Variants in PEF1 observed in about 807,000 individuals in gnomAD.
PEF1 encodes penta-EF-hand domain containing 1.
In PEF1, 17 loss-of-function variants were observed where a neutral mutation model predicts 32.0. The ratio of observed to expected loss-of-function variants is 0.53; its 90% confidence interval spans 0.36 to 0.80. PEF1 has a LOEUF of 0.80. PEF1 is among the 30% of genes least tolerant of loss of function. The probability of loss-of-function intolerance (pLI) is 0.00; values close to 1 mark genes in which losing one functional copy is unlikely to be tolerated. For synonymous variants in PEF1, 130 were observed against 139.8 expected (o/e 0.93, Z 0.50); for missense variants, 362 against 369.1 (o/e 0.98, Z 0.16).
rs1425172951 is a variant in PEF1, at chr1:31,633,153, A to C, written c.481+6T>G. 4 of 1,612,172 alleles carry C rather than the reference A, an allele frequency of 2.5e-6. No homozygotes were observed. The highest frequency in any genetic ancestry group is 3.4e-6 in the Non-Finnish European group (4 of 1,178,876). ...GCTCAGGCCCAAGGGCAAGGCGGAG[A>C]CTCACTTATCATCATGAGGCAGGTC... On this transcript the variant is annotated splice_donor_region_variant and intron_variant, in intron 3 of 4. Coordinates refer to ENST00000373703, the MANE Select transcript of PEF1 (RefSeq NM_012392.4).
chr1:31,630,389 T>C lies in PEF1; in HGVS notation c.*224A>G. 1 of 565,716 alleles carries C rather than the reference T, an allele frequency of 1.8e-6. No homozygotes were observed. The highest frequency in any genetic ancestry group is 1.9e-5 in the African/African-American group (1 of 53,268). 35.0% of individuals were successfully genotyped at this position (565,716 alleles called of 1,614,324 possible). ...TGGCCATCAGGACATTCAACTTCTA[T>C]CCTCTCCTCCATCAGGCCCCTATCT... On this transcript the variant is annotated 3_prime_UTR_variant, in exon 5 of 5. Coordinates refer to ENST00000373703, the MANE Select transcript of PEF1 (RefSeq NM_012392.4).
rs766616548 is a variant in PEF1 at position 31,635,445 on chromosome 1, C to T, written c.102G>A (p.Gly34=). ...CAGGGGGTAGCCCACTACCATACTGCCCTCCACTATTGGGGGGTCCAGGGT... is the reference window on the plus strand; with the variant it reads ...CAGGGGGTAGCCCACTACCATACTGTCCTCCACTATTGGGGGGTCCAGGGT... The part of the protein sequence containing the change: ...SYYPGPPNSG[G]QYGSGLPPGG... Residue 34 remains glycine, a synonymous_variant, in exon 2 of 5, where the codon GGG becomes GGA. Transcript: ENST00000373703. The T allele has an allele frequency of 3.1e-6, 5 of 1,605,074 alleles. No individual in the cohort carries two copies. Among genetic ancestry groups the T allele is most frequent in the Admixed American group, 1.7e-5 (1 of 59,172 alleles).
intron 1 of PEF1, among the ~76,000 whole-genome samples, chr1:31,637,695 T>C (rs1173837982): frequency 8.3e-6 from 1 of 120,094 alleles, no homozygotes; most frequent in African/African-American, 3.1e-5. Flanking sequence ...AATCCTTTGA[T>C]AAAATAAATA....
At chr1:31,642,827 C>CCTTTTCA (rs1336525652) in intron 1 of PEF1, among the ~76,000 whole-genome samples, 1 of 152,156 alleles carries the variant, frequency 6.6e-6, no homozygotes, top group Admixed American at 6.5e-5. Flanking sequence ...TCATTTTAGC[C>CCTTTTCA]CTTTTCACAG....
Position 31,630,179 on chromosome 1 carries a change from G to C in PEF1, c.*434C>G, listed in dbSNP as rs1412047049. The C allele has an allele frequency of 4.1e-6, 1 of 241,852 alleles. No individual in the cohort carries two copies. Among genetic ancestry groups the C allele is most frequent in the Non-Finnish European group, 8.3e-6 (1 of 120,000 alleles). The allele number at this position is 241,852 out of a possible 1,614,324, so 15.0% of individuals were successfully genotyped here. On this transcript the variant is annotated 3_prime_UTR_variant, in exon 5 of 5. Transcript: ENST00000373703. ...CATAGACAGATCTCTCTCATGCTTG[G>C]TCAGATTCCACTTTGGAGAAAATGG...
At chr1:31,642,692 T>C (rs1001410802) in intron 1 of PEF1, among the ~76,000 whole-genome samples, 2 of 152,164 alleles carry the variant, frequency 1.3e-5, no homozygotes, top group African/African-American at 4.8e-5. Context: ...TCCTTTTCAG[T>C]ATTTCACTCC....
chr1:31,630,821 T>G lies in PEF1; in HGVS notation c.647A>C (p.Asn216Thr). 1 of 1,610,682 alleles carries G rather than the reference T, an allele frequency of 6.2e-7. No individual in the cohort carries two copies. The highest frequency in any genetic ancestry group is 8.5e-7 in the Non-Finnish European group (1 of 1,179,832). The change falls in exon 5 of 5, where the codon AAC becomes ACC. Residue 216 changes from asparagine (N) to threonine (T), a missense_variant. Physicochemically the swap from Asn to Thr is moderately conservative, Grantham distance 65 (BLOSUM62 0). Transcript: ENST00000373703. ...LQQALSQMGY[N>T]LSPQFTQLLV... ...AAGCTGGGTGAACTGGGGGCTCAGG[T>G]TGTAGCCCATTTGGGACAGAGCTGG...
At chr1:31,640,116 A>C (rs950660525) in intron 1 of PEF1, among the ~76,000 whole-genome samples, 4 of 152,146 alleles carry the variant, frequency 2.6e-5, no homozygotes, top group Admixed American at 6.5e-5. Flanking sequence ...AACACAGAAA[A>C]ACTATCTCTA....
intron 4 of PEF1, among the ~76,000 whole-genome samples, chr1:31,631,923 T>A (rs564370483): frequency 9.7e-6 from 1 of 103,276 alleles, no homozygotes; most frequent in African/African-American, 2.9e-5. Context: ...CCCTCTTGGG[T>A]CCTCCCCCAA....
chr1:31,637,263 C>T (rs1640276071), intron 1 of PEF1, among the ~76,000 whole-genome samples: 1 of 152,154 alleles, frequency 6.6e-6, no homozygotes, highest in Non-Finnish European at 1.5e-5. Flanking sequence ...TCACACAGAT[C>T]TCAATTTAAA....
chr1:31,631,020 T>A (rs1640085820), intron 4 of PEF1, among the ~76,000 whole-genome samples, 178 bp from the exon 5 acceptor site: 1 of 152,228 alleles, frequency 6.6e-6, no homozygotes. Flanking sequence ...ACAGGGACCG[T>A]GTCTGGATGC....
At position 31,630,939 on chromosome 1, in the gene PEF1, G is replaced by A. The variant is rs1640083837; in HGVS notation, c.626-97C>T. The A allele has an allele frequency of 3.9e-6, 4 of 1,013,556 alleles. No homozygotes were observed. The Admixed American group carries it at 6.0e-5, about 15-fold the overall frequency. 62.8% of individuals were successfully genotyped at this position (1,013,556 alleles called of 1,614,324 possible). On this transcript the variant is annotated intron_variant, in intron 4 of 4. Transcript: ENST00000373703. The stretch of plus-strand genomic sequence containing the variant: ...GGATCACAACAGTTCAAGGAACTTC[G>A]AGAGGATGGGCACAGAAGCACAAAG...
chr1:31,633,690 T>G (rs1373035730), intron 2 of PEF1, among the ~76,000 whole-genome samples: 1 of 152,166 alleles, frequency 6.6e-6, no homozygotes, highest in African/African-American at 2.4e-5. Flanking sequence ...GCACAGTGGC[T>G]CACGACTGTA....
chr1:31,635,397 G>T lies in PEF1; in HGVS notation c.150C>A (p.Ala50=). ...LPPGGGYGGP[A]PGGPYGPPAG... ...CTGGTGGTCCATAAGGCCCTCCAGG[G>T]GCAGGACCCCCATAACCACCACCAG... is the stretch of plus-strand genomic sequence containing the variant. The change falls in exon 2 of 5, where the codon GCC becomes GCA. Residue 50 remains alanine (A), a synonymous_variant. Coordinates refer to ENST00000373703, the MANE Select transcript of PEF1 (RefSeq NM_012392.4). 1 of 1,613,144 alleles carries T rather than the reference G, an allele frequency of 6.2e-7. No individual in the cohort carries two copies. Among genetic ancestry groups the T allele is most frequent in the Non-Finnish European group, 8.5e-7 (1 of 1,179,670 alleles).
At chr1:31,638,578 T>C (rs974154435) in intron 1 of PEF1, among the ~76,000 whole-genome samples, 1 of 152,158 alleles carries the variant, frequency 6.6e-6, no homozygotes, top group Non-Finnish European at 1.5e-5. Flanking sequence ...ATAAACCACC[T>C]AGGAAACATC....
At chr1:31,635,668 G>T in intron 1 of PEF1, 146 bp from the exon 2 acceptor site, 1 of 867,834 alleles carries the variant, frequency 1.2e-6, no homozygotes, top group Non-Finnish European at 1.6e-6. Context: ...CTGCTCAGAT[G>T]GGCAAACTGA....
chr1:31,636,500 C>T (rs931652417), intron 1 of PEF1, among the ~76,000 whole-genome samples: 6 of 152,000 alleles, frequency 3.9e-5, no homozygotes, highest in African/African-American at 1.5e-4. Context: ...AAACAAAAAA[C>T]AACCAGTTCA....
intron 4 of PEF1, among the ~76,000 whole-genome samples, chr1:31,631,137 ATC>A (rs1178586367): frequency 5.3e-5 from 8 of 152,320 alleles, no homozygotes; most frequent in African/African-American, 1.9e-4. Context: ...ATCCGCAATC[ATC>A]TCTGATTCGT....
rs1640510466 is a variant in PEF1, at chr1:31,644,843, G to A, written c.22C>T (p.Gln8Ter). The change falls in exon 1 of 5, where the codon CAG becomes TAG. Residue 8 changes from glutamine (Q) to a stop codon, truncating the protein, a stop_gained and splice_region_variant. Transcript: ENST00000373703. LOFTEE classifies it high-confidence loss of function. Reference sequence around the variant, plus strand: ...TCGCGGGCCCCTCACACACTCACCTGCCGGTAAGGATAGCTGGCCATGGTG... The same window carrying A: ...TCGCGGGCCCCTCACACACTCACCTACCGGTAAGGATAGCTGGCCATGGTG... MASYPYR[Q>*]GCPGAAGQAP... 6.2e-7 allele frequency: 1 copy of A among 1,614,012 alleles called. No homozygotes were observed. The highest frequency in any genetic ancestry group is 8.5e-7 in the Non-Finnish European group (1 of 1,179,932).
Sources: gnomAD v4.1 joint callset for allele counts (sites outside exome capture counted in the v4.1 genomes callset) on GRCh38, gnomAD v4.1.1 for gene constraint, MANE v1.5 for transcripts, NCBI Gene and HGNC (gene_info 2026-07-23, HGNC 2026-07-21) for gene names.